GALNT13: variants seen among roughly 807,000 people sequenced by gnomAD.
GALNT13 encodes the protein UDP-GalNAc:polypeptide N-acetylgalactosaminyltransferase 13.
GALNT13 carries 28 observed loss-of-function variants against 64.2 expected under a neutral mutation model. The observed-to-expected ratio is 0.44, with a 90% CI of 0.32 to 0.60. GALNT13 has a LOEUF of 0.60. Ranked by LOEUF, GALNT13 falls within the 20% of genes least tolerant of loss-of-function variation. The probability of loss-of-function intolerance (pLI) is 0.05; values close to 1 mark genes in which losing one functional copy is unlikely to be tolerated. For synonymous variants in GALNT13, 214 were observed against 224.6 expected (o/e 0.95, Z 0.42); for missense variants, 577 against 669.8 (o/e 0.86, Z 1.53).
At chr2:153,953,918 G>C (rs1022802965) in intron 3 of GALNT13, among the ~76,000 whole-genome samples, 3 of 152,084 alleles carry the variant, frequency 2.0e-5, no homozygotes, top group Admixed American at 6.6e-5. Context: ...CATTTTTCTT[G>C]GTGCTGCCAG....
the GALNT13 span, among the ~76,000 whole-genome samples, chr2:153,587,988 A>G: frequency 6.6e-6 from 1 of 152,246 alleles, no homozygotes; most frequent in Admixed American, 6.5e-5. Context: ...GCCCCATGCA[A>G]GTCTGAAATC....
At chr2:153,261,839 A>G in the GALNT13 span, among the ~76,000 whole-genome samples, 697 of 152,024 alleles carry the variant, frequency 4.6e-3, 8 homozygotes, top group African/African-American at 0.016. Flanking sequence ...CGTGGCCACC[A>G]CCACCCCAGG....
the GALNT13 span, among the ~76,000 whole-genome samples, chr2:153,284,206 C>T: frequency 6.6e-6 from 1 of 152,130 alleles, no homozygotes; most frequent in South Asian, 2.1e-4. Flanking sequence ...CCCAGCAATA[C>T]ACACACACAG....
chr2:153,523,408 GA>G, the GALNT13 span, among the ~76,000 whole-genome samples: 2 of 152,098 alleles, frequency 1.3e-5, no homozygotes, highest in South Asian at 4.1e-4. Flanking sequence ...GACCAAGTTT[GA>G]AAGAACTGAC....
chr2:153,589,216 C>T, the GALNT13 span, among the ~76,000 whole-genome samples: 2,235 of 152,256 alleles, frequency 0.015, 51 homozygotes, highest in African/African-American at 0.051. Flanking sequence ...CCACAAATCT[C>T]GAGGGCAGGG....
intron 7 of GALNT13, among the ~76,000 whole-genome samples, chr2:154,253,147 T>G (rs1405113976): frequency 1.3e-5 from 2 of 152,186 alleles, no homozygotes; most frequent in Non-Finnish European, 2.9e-5. Context: ...GTGATGAAAC[T>G]GAGGCACAGA....
At chr2:153,859,805 C>A in the GALNT13 span, among the ~76,000 whole-genome samples, 1 of 152,072 alleles carries the variant, frequency 6.6e-6, no homozygotes, top group East Asian at 1.9e-4. Flanking sequence ...CACTTCTATA[C>A]TTTTTAATGG....
chr2:154,047,289 CGTT>C (rs1558929166), intron 3 of GALNT13, among the ~76,000 whole-genome samples: 1 of 152,114 alleles, frequency 6.6e-6, no homozygotes, highest in South Asian at 2.1e-4. Context: ...CTTGTTCACT[CGTT>C]GATCTTTAAG....
intron 6 of GALNT13, among the ~76,000 whole-genome samples, chr2:154,243,533 A>ATAT (rs111514652): frequency 0.022 from 3,343 of 152,318 alleles, 90 homozygotes; most frequent in African/African-American, 0.068. Context: ...TATTTCAACA[A>ATAT]TGTCACCTTA....
At chr2:153,480,495 G>A in the GALNT13 span, among the ~76,000 whole-genome samples, 2 of 152,050 alleles carry the variant, frequency 1.3e-5, no homozygotes, top group Non-Finnish European at 2.9e-5. Context: ...TATTGTTCTA[G>A]TTTCCCATAA....
the GALNT13 span, among the ~76,000 whole-genome samples, chr2:153,143,180 C>T: frequency 6.6e-6 from 1 of 151,954 alleles, no homozygotes; most frequent in Admixed American, 6.6e-5. Flanking sequence ...GCCCAAGACT[C>T]TTGTTATCAT....
At chr2:153,498,244 T>G in the GALNT13 span, among the ~76,000 whole-genome samples, 1 of 152,240 alleles carries the variant, frequency 6.6e-6, no homozygotes, top group South Asian at 2.1e-4. Context: ...TGTCTTAAAA[T>G]TGTAAAGCAA....
intron 2 of GALNT13, among the ~76,000 whole-genome samples, chr2:153,930,367 C>A (rs1405156197): frequency 2.0e-5 from 3 of 152,098 alleles, no homozygotes; most frequent in African/African-American, 4.8e-5. Context: ...GTTTTTGTTG[C>A]AATTGCTTTT....
At chr2:154,037,927 G>A (rs1698757410) in intron 3 of GALNT13, among the ~76,000 whole-genome samples, 1 of 152,110 alleles carries the variant, frequency 6.6e-6, no homozygotes, top group African/African-American at 2.4e-5. Flanking sequence ...GCTGATGCAG[G>A]AAGACTGCTT....
chr2:153,751,765 G>C, the GALNT13 span, among the ~76,000 whole-genome samples: 1 of 148,276 alleles, frequency 6.7e-6, no homozygotes, highest in African/African-American at 2.5e-5. Flanking sequence ...AATGGGTCTT[G>C]TTTTTTTTTC....
chr2:153,638,968 A>C, the GALNT13 span, among the ~76,000 whole-genome samples: 1 of 152,190 alleles, frequency 6.6e-6, no homozygotes, highest in Non-Finnish European at 1.5e-5. Context: ...TAAAATGTCA[A>C]CCAGCGAACA....
chr2:153,583,925 G>T, the GALNT13 span, among the ~76,000 whole-genome samples: 4 of 152,154 alleles, frequency 2.6e-5, no homozygotes, highest in Non-Finnish European at 5.9e-5. Context: ...GGAACTGAGC[G>T]GAAGGAGAGT....
At chr2:153,367,911 AT>A in the GALNT13 span, among the ~76,000 whole-genome samples, 22 of 152,108 alleles carry the variant, frequency 1.4e-4, no homozygotes, top group Admixed American at 1.4e-3. Context: ...CAAAGAACAG[AT>A]GGAATAAATA....
chr2:153,119,825 G>T, the GALNT13 span, among the ~76,000 whole-genome samples: 1 of 152,192 alleles, frequency 6.6e-6, no homozygotes, highest in African/African-American at 2.4e-5. Context: ...TTCTCTGAGA[G>T]TTTAAGCTTC....
Sources: allele counts gnomAD v4.1 joint callset (sites outside exome capture counted in the v4.1 genomes callset), GRCh38; gene constraint gnomAD v4.1.1; transcripts MANE v1.5; gene names NCBI Gene and HGNC (gene_info 2026-07-23, HGNC 2026-07-21).